Variants in GLYR1 observed in about 807,000 individuals in gnomAD.
GLYR1 encodes the protein glyoxylate reductase 1 homolog, also known as cytokine-like nuclear factor N-PAC.
In GLYR1, 21 loss-of-function variants were observed where a neutral mutation model predicts 72.7. The observed-to-expected ratio is 0.29, with a 90% CI of 0.20 to 0.42. The LOEUF is 0.42. Ranked by LOEUF, GLYR1 falls within the 10% of genes least tolerant of loss-of-function variation. The probability of loss-of-function intolerance (pLI) is 1.00; values close to 1 mark genes in which losing one functional copy is unlikely to be tolerated. For synonymous variants in GLYR1, 392 were observed against 270.2 expected (o/e 1.45, Z -4.42); for missense variants, 594 against 712.1 (o/e 0.83, Z 1.89).
intron 6 of GLYR1, among the ~76,000 whole-genome samples, chr16:4,823,388 C>A (rs918831607): frequency 6.6e-6 from 1 of 152,190 alleles, no homozygotes; most frequent in African/African-American, 2.4e-5. Flanking sequence ...GACAGTGGAC[C>A]TTCATGGGCT....
intron 5 of GLYR1, among the ~76,000 whole-genome samples, chr16:4,830,785 C>T (rs534274019): frequency 6.6e-6 from 1 of 152,350 alleles, no homozygotes; most frequent in Admixed American, 6.5e-5. Flanking sequence ...GAGAGGCACT[C>T]TCACTGCTTT....
intron 12 of GLYR1, 75 bp from the exon 13 acceptor site, chr16:4,812,323 C>G (rs2083364286): frequency 6.7e-7 from 1 of 1,500,186 alleles, no homozygotes. Context: ...AGGAGTGTTG[C>G]TGAGTGGCCA....
At chr16:4,822,549 C>G (rs1285331394) in intron 7 of GLYR1, among the ~76,000 whole-genome samples, 1 of 152,162 alleles carries the variant, frequency 6.6e-6, no homozygotes, top group Non-Finnish European at 1.5e-5. Context: ...CGCCACCATG[C>G]CCAGCTAATT....
intron 5 of GLYR1, among the ~76,000 whole-genome samples, chr16:4,829,679 T>C (rs1485153820): frequency 1.3e-5 from 2 of 149,816 alleles, no homozygotes; most frequent in Non-Finnish European, 3.0e-5. Context: ...TATTAAATTT[T>C]TTTTTTTCTT....
Position 4,811,619 on chromosome 16 carries a change from T to G in GLYR1, c.1462+4A>C. 1.2e-6 allele frequency: 2 copies of G among 1,613,560 alleles called. No homozygotes were observed. The highest frequency in any genetic ancestry group is 1.7e-6 in the Non-Finnish European group (2 of 1,180,010). On this transcript the variant is annotated splice_donor_region_variant and intron_variant, in intron 14 of 15. Coordinates refer to ENST00000321919, the MANE Select transcript of GLYR1 (RefSeq NM_032569.4). ...TGCAAGAAGAGGGGCCAAAAACAAC[T>G]CACTTTGGCACTTCTGGTCCAGGAA...
Position 4,811,163 on chromosome 16 carries a change from A to C in GLYR1, c.1587+7T>G, listed in dbSNP as rs1596309624. On this transcript the variant is annotated splice_region_variant and intron_variant, in intron 15 of 15. Coordinates refer to ENST00000321919, the MANE Select transcript of GLYR1 (RefSeq NM_032569.4). ...GGGCCTTGGGGCTTGGGCCACATCT[A>C]CCCTACCTCATTTGCTGCAGCTGCC... The C allele has an allele frequency of 6.2e-7, 1 of 1,612,764 alleles. No homozygotes were observed. Among genetic ancestry groups the C allele is most frequent in the Non-Finnish European group, 8.5e-7 (1 of 1,179,876 alleles).
chr16:4,831,306 T>C (rs2084780404), intron 5 of GLYR1, among the ~76,000 whole-genome samples: 1 of 152,218 alleles, frequency 6.6e-6, no homozygotes, highest in African/African-American at 2.4e-5. Flanking sequence ...CGGTGACTAC[T>C]GGTGCACACA....
chr16:4,841,519 A>G (rs1596409892), intron 3 of GLYR1, among the ~76,000 whole-genome samples: 1 of 150,638 alleles, frequency 6.6e-6, no homozygotes, highest in Non-Finnish European at 1.5e-5. Flanking sequence ...GTGGCACACA[A>G]CTGTGGTCCC....
chr16:4,813,827 G>A lies in GLYR1; in HGVS notation c.1029C>T (p.Gly343=), dbSNP rs762583727. The change falls in exon 12 of 16, where the codon GGC becomes GGT. Residue 343 remains glycine (G), a synonymous_variant. Coordinates refer to ENST00000321919, the MANE Select transcript of GLYR1 (RefSeq NM_032569.4). Reference sequence around the variant, plus strand: ...GGATCCCTTGCAGCACACCACTGGGGCCCAGCACCAGCTGTGGGGACACAA... The same window carrying A: ...GGATCCCTTGCAGCACACCACTGGGACCCAGCACCAGCTGTGGGGACACAA... ...DPKAAKDLVL[G]PSGVLQGIRP... 3.1e-6 allele frequency: 5 copies of A among 1,610,986 alleles called. No homozygotes were observed. In the South Asian group the frequency reaches 3.3e-5, roughly 11 times the overall value.
intron 9 of GLYR1, among the ~76,000 whole-genome samples, chr16:4,818,260 T>A (rs1199854528): frequency 6.6e-6 from 1 of 152,202 alleles, no homozygotes; most frequent in Non-Finnish European, 1.5e-5. Context: ...CCCAAAGTGC[T>A]CGGATTACAG....
At chr16:4,816,847 T>G (rs1158258307) in intron 10 of GLYR1, among the ~76,000 whole-genome samples, 1 of 151,652 alleles carries the variant, frequency 6.6e-6, no homozygotes, top group Non-Finnish European at 1.5e-5. Context: ...ATTAGCCAGG[T>G]GTGGTGGCGC....
chr16:4,841,862 C>CAATTGTTCA (rs1317231728), intron 3 of GLYR1, among the ~76,000 whole-genome samples: 3 of 152,148 alleles, frequency 2.0e-5, no homozygotes, highest in Non-Finnish European at 4.4e-5. Flanking sequence ...AGCTTAATGC[C>CAATTGTTCA]AATTGTTCAT....
intron 15 of GLYR1, among the ~76,000 whole-genome samples, chr16:4,806,066 C>A (rs2082949144): frequency 1.3e-5 from 2 of 152,320 alleles, no homozygotes; most frequent in Non-Finnish European, 2.9e-5. Context: ...ACCCAGGACA[C>A]CTATACCTCA....
Position 4,832,220 on chromosome 16 carries a change from G to A in GLYR1, c.296C>T (p.Thr99Met), listed in dbSNP as rs370959278. Reference sequence around the variant, plus strand: ...GTCATCAGAAGAATTGTGGGATGACGTCTGAAAGTTTAATAATAATAATGA... The same window carrying A: ...GTCATCAGAAGAATTGTGGGATGACATCTGAAAGTTTAATAATAATAATGA... ...FLRRAKGKDQ[T>M]SSHNSSDDKN... The change falls in exon 5 of 16, where the codon ACG (threonine) becomes ATG (methionine). Residue 99 changes from threonine (T) to methionine (M), a missense_variant and splice_region_variant. Physicochemically the swap from Thr to Met is moderately conservative, Grantham distance 81. This residue lies in a region of GLYR1 where 252 missense variants were observed against 211.3 expected (regional missense o/e 1.19). Coordinates refer to ENST00000321919, the MANE Select transcript of GLYR1 (RefSeq NM_032569.4). 3.5e-5 allele frequency: 56 copies of A among 1,613,814 alleles called. 1 individual carries two copies. In the East Asian group the frequency reaches 9.1e-4, roughly 26 times the overall value.
chr16:4,810,297 G>C (rs1479242299), intron 15 of GLYR1, among the ~76,000 whole-genome samples: 2 of 147,268 alleles, frequency 1.4e-5, no homozygotes, highest in African/African-American at 2.5e-5. Flanking sequence ...AGGAGTTGGA[G>C]AACAGCCTAG....
chr16:4,839,960 G>C (rs1029422151), intron 3 of GLYR1: 52 of 152,198 alleles, frequency 3.4e-4, no homozygotes, highest in African/African-American at 1.2e-3. Flanking sequence ...ACCTGGGCCA[G>C]GGTCCAGTAA....
intron 9 of GLYR1, among the ~76,000 whole-genome samples, chr16:4,818,416 T>G (rs2083791117): frequency 6.6e-6 from 1 of 152,074 alleles, no homozygotes; most frequent in Non-Finnish European, 1.5e-5. Context: ...CCCCTCAGCC[T>G]CCTGGGTAGC....
intron 5 of GLYR1, 53 bp downstream of exon 5, chr16:4,831,926 C>G (rs534586433): frequency 6.3e-7 from 1 of 1,585,942 alleles, no homozygotes; most frequent in Non-Finnish European, 8.6e-7. Flanking sequence ...CTTAACTCTA[C>G]CTTGTACTAA....
intron 5 of GLYR1, among the ~76,000 whole-genome samples, chr16:4,831,197 G>C (rs1196715835): frequency 6.6e-6 from 1 of 151,986 alleles, no homozygotes; most frequent in Non-Finnish European, 1.5e-5. Context: ...CCTCTGAAGT[G>C]CCTCTCACCT....
Sources: allele counts gnomAD v4.1 joint callset (sites outside exome capture counted in the v4.1 genomes callset), GRCh38; gene constraint gnomAD v4.1.1; regional missense constraint gnomAD v4.1.1; transcripts MANE v1.5; gene names NCBI Gene and HGNC (gene_info 2026-07-23, HGNC 2026-07-21).